ADAMTS19: variants seen among roughly 807,000 people sequenced by gnomAD.
ADAMTS19 encodes the protein A disintegrin and metalloproteinase with thrombospondin motifs 19.
A neutral mutation model predicts 153.3 loss-of-function variants in ADAMTS19; 93 were observed. The ratio of observed to expected loss-of-function variants is 0.61; its 90% CI spans 0.51 to 0.72. The LOEUF is 0.72. Among genes scored for constraint, ADAMTS19 ranks in the 30% least tolerant of loss-of-function variants. ADAMTS19 has a pLI of 0.00. For synonymous variants in ADAMTS19, 600 were observed against 556.6 expected (o/e 1.08, Z -1.10); for missense variants, 1,482 against 1,552.1 (o/e 0.95, Z 0.76).
At chr5:129,599,521 ACCG>A (rs1750543208) in intron 8 of ADAMTS19, among the ~76,000 whole-genome samples, 2 of 152,190 alleles carry the variant, frequency 1.3e-5, no homozygotes, top group African/African-American at 4.8e-5. Context: ...ATATTTTTAA[ACCG>A]ATATGTTTAA....
intron 2 of ADAMTS19, among the ~76,000 whole-genome samples, chr5:129,471,913 A>G (rs1014274604): frequency 3.3e-5 from 5 of 152,220 alleles, no homozygotes; most frequent in African/African-American, 4.8e-5. Context: ...ACAGTGTTCT[A>G]TAGTGTGTAT....
At chr5:129,533,114 T>G (rs1752273771) in intron 6 of ADAMTS19, among the ~76,000 whole-genome samples, 1 of 151,490 alleles carries the variant, frequency 6.6e-6, no homozygotes, top group Non-Finnish European at 1.5e-5. Context: ...AAAAAAAAAA[T>G]TATACTGAGT....
chr5:129,552,039 C>T (rs1753140409), intron 7 of ADAMTS19, 132 bp downstream of exon 7: 2 of 556,032 alleles, frequency 3.6e-6, no homozygotes, highest in East Asian at 3.3e-5. Flanking sequence ...ATATTTTCTA[C>T]CTATATGTTT....
chr5:129,495,060 A>AT (rs912602283), intron 2 of ADAMTS19, among the ~76,000 whole-genome samples: 9 of 151,916 alleles, frequency 5.9e-5, no homozygotes, highest in Admixed American at 3.9e-4. Context: ...ATTGTTTTTT[A>AT]TTTTTTTTAA....
intron 21 of ADAMTS19, among the ~76,000 whole-genome samples, chr5:129,730,933 G>C (rs3049464): frequency 1.4e-3 from 28 of 19,584 alleles, no homozygotes; most frequent in African/African-American, 7.7e-3. Flanking sequence ...TTGTTTTTTT[G>C]TTTTGTTTTG....
intron 17 of ADAMTS19, among the ~76,000 whole-genome samples, chr5:129,682,820 G>A (rs945665717): frequency 1.1e-4 from 17 of 151,954 alleles, no homozygotes; most frequent in Admixed American, 3.3e-4. Flanking sequence ...TTATAAAGTC[G>A]ACACACTAGT....
Position 129,509,197 on chromosome 5 carries a change from A to G in ADAMTS19, c.868A>G (p.Thr290Ala). ...RQKRSMEEKV[T>A]EKSALHSHYC... ...GAAAAGGTCCATGGAGGAAAAGGTC[A>G]CAGAGAAGTCAGCTCTTCACAGTCA... Residue 290 changes from threonine (T) to alanine (A), a missense_variant, in exon 3 of 23, where the codon ACA becomes GCA. Thr to Ala is a moderately conservative substitution (Grantham distance 58, BLOSUM62 0). This residue lies in a region of ADAMTS19 where 866 missense variants were observed against 827.7 expected (regional missense o/e 1.05). Transcript: ENST00000274487. 6.2e-7 allele frequency: 1 copy of G among 1,612,312 alleles called. No individual in the cohort carries two copies. Among genetic ancestry groups the G allele is most frequent in the Middle Eastern group, 1.7e-4 (1 of 6,048 alleles).
intron 10 of ADAMTS19, among the ~76,000 whole-genome samples, chr5:129,638,576 TACACAC>T (rs200992336): frequency 1.0e-3 from 77 of 75,786 alleles, no homozygotes; most frequent in Admixed American, 1.5e-3. Flanking sequence ...CACACACACA[TACACAC>T]ACACACACAC....
chr5:129,553,976 A>G (rs187296371), intron 7 of ADAMTS19, among the ~76,000 whole-genome samples: 1 of 152,282 alleles, frequency 6.6e-6, no homozygotes, highest in East Asian at 1.9e-4. Context: ...AGAAGTAAAA[A>G]TGCAGCGATA....
intron 2 of ADAMTS19, among the ~76,000 whole-genome samples, chr5:129,494,452 G>T (rs1256939984): frequency 6.6e-6 from 1 of 152,070 alleles, no homozygotes; most frequent in Admixed American, 6.6e-5. Context: ...ATGTACTAGT[G>T]CTCAGTCTTA....
intron 6 of ADAMTS19, among the ~76,000 whole-genome samples, chr5:129,545,281 A>G (rs1293123252): frequency 2.0e-5 from 3 of 152,188 alleles, no homozygotes; most frequent in Admixed American, 6.6e-5. Context: ...TAAAATTTCA[A>G]TTTCTAAATT....
At chr5:129,546,066 A>T (rs954996117) in intron 6 of ADAMTS19, among the ~76,000 whole-genome samples, 1 of 148,550 alleles carries the variant, frequency 6.7e-6, no homozygotes, top group African/African-American at 2.6e-5. Flanking sequence ...ATAAAAAAGG[A>T]TGAGTTCATG....
intron 11 of ADAMTS19, among the ~76,000 whole-genome samples, chr5:129,644,003 A>T (rs922061550): frequency 7.6e-6 from 1 of 132,278 alleles, no homozygotes; most frequent in African/African-American, 3.3e-5. Flanking sequence ...AGCAATATAA[A>T]AATATCTTTA....
At chr5:129,480,757 T>C (rs1263488932) in intron 2 of ADAMTS19, among the ~76,000 whole-genome samples, 1 of 152,214 alleles carries the variant, frequency 6.6e-6, no homozygotes, top group African/African-American at 2.4e-5. Flanking sequence ...AACAATAATG[T>C]GTTATTGTCC....
At chr5:129,607,899 G>C (rs1162809590) in intron 8 of ADAMTS19, among the ~76,000 whole-genome samples, 1 of 150,868 alleles carries the variant, frequency 6.6e-6, no homozygotes, top group Non-Finnish European at 1.5e-5. Context: ...ACAGATGAAT[G>C]TATAAAGATG....
In ADAMTS19 at chr5:129,630,097, T is replaced by C. The variant is rs182590776; in HGVS notation, c.1770+7749T>C. Reference sequence around the variant, plus strand: ...TAAATATTGACATGGAAAGTTCCAGTTTTACATTTCTCCTGTATCTACTTG... The same window carrying C: ...TAAATATTGACATGGAAAGTTCCAGCTTTACATTTCTCCTGTATCTACTTG... On this transcript the variant is annotated intron_variant, in intron 10 of 22. Coordinates refer to ENST00000274487, the MANE Select transcript of ADAMTS19 (RefSeq NM_133638.6). Among the ~76,000 whole-genome samples the C allele has an allele frequency of 3.2e-3, 491 of 152,202 alleles. 1 individual carries two copies. Among genetic ancestry groups the C allele is most frequent in the Non-Finnish European group, 5.0e-3 (343 of 67,974 alleles).
At position 129,684,264 on chromosome 5, in the gene ADAMTS19, T is replaced by C. The variant is rs1416982383; in HGVS notation, c.2809T>C (p.Cys937Arg). The change falls in exon 18 of 23, where the codon TGT becomes CGT. Residue 937 changes from cysteine to arginine, a missense_variant. Around this residue, in one of 2 missense-constraint regions of ADAMTS19, gnomAD observed 616 missense variants for 724.4 expected, o/e 0.85. Transcript: ENST00000274487. ...HTSWEDCDAT[C>R]GGGERKTTVS... ...AAGCTGGGAAGATTGCGATGCCACT[T>C]GTGGAGGAGGTGAAGGATTTTTAAA... 6 of 1,614,010 alleles carry C rather than the reference T, an allele frequency of 3.7e-6. No individual in the cohort carries two copies. Among genetic ancestry groups the C allele is most frequent in the Non-Finnish European group, 5.1e-6 (6 of 1,179,968 alleles).
chr5:129,600,679 T>G (rs746162781), intron 8 of ADAMTS19, among the ~76,000 whole-genome samples: 76 of 152,116 alleles, frequency 5.0e-4, no homozygotes, highest in Admixed American at 7.2e-4. Context: ...TGCAAAGGAA[T>G]CTAAAACAAT....
intron 6 of ADAMTS19, among the ~76,000 whole-genome samples, chr5:129,535,637 C>A (rs560614374): frequency 1.3e-5 from 2 of 152,294 alleles, no homozygotes; most frequent in African/African-American, 4.8e-5. Flanking sequence ...AAGCTGGAGG[C>A]ATCACGCTAG....
Sources: gnomAD v4.1 joint callset for allele counts (sites outside exome capture counted in the v4.1 genomes callset) on GRCh38, gnomAD v4.1.1 for gene constraint, gnomAD v4.1.1 regional missense constraint, MANE v1.5 for transcripts, NCBI Gene and HGNC (gene_info 2026-07-23, HGNC 2026-07-21) for gene names.